Variants in YAP1 observed in about 807,000 individuals in gnomAD.
YAP1 encodes the protein transcriptional coactivator YAP1.
Under a neutral mutation model 56.9 loss-of-function variants are expected in YAP1, and 5 were observed. The observed-to-expected ratio is 0.09, with a 90% CI of 0.05 to 0.18. YAP1 has a LOEUF of 0.18. Ranked by LOEUF, YAP1 falls within the 10% of genes least tolerant of loss-of-function variation. YAP1 has a pLI of 1.00. For missense variants in YAP1, 539 were observed against 651.8 expected (o/e 0.83, Z 1.88); for synonymous variants, 265 against 248.1 (o/e 1.07, Z -0.64).
intron 3 of YAP1, among the ~76,000 whole-genome samples, chr11:102,176,780 T>G (rs1189262978): frequency 0.011 from 747 of 67,984 alleles, 5 homozygotes; most frequent in African/African-American, 0.03. Context: ...AAAAAAAGAG[T>G]AGAATTTCAG....
At chr11:102,176,983 T>C (rs1947300577) in intron 3 of YAP1, among the ~76,000 whole-genome samples, 1 of 151,726 alleles carries the variant, frequency 6.6e-6, no homozygotes, top group Non-Finnish European at 1.5e-5. Flanking sequence ...GCTGATGAAG[T>C]AGGAGAAGAA....
chr11:102,130,422 T>C (rs750868592), intron 2 of YAP1, among the ~76,000 whole-genome samples: 19 of 152,130 alleles, frequency 1.2e-4, no homozygotes, highest in Admixed American at 3.3e-4. Context: ...ATTGATTGAT[T>C]GACAGGCTCT....
At chr11:102,142,474 C>A (rs1265451781) in intron 2 of YAP1, among the ~76,000 whole-genome samples, 1 of 152,204 alleles carries the variant, frequency 6.6e-6, no homozygotes, top group East Asian at 1.9e-4. Context: ...TTTCTCTTAG[C>A]ATGAAGACTG....
Position 102,111,160 on chromosome 11 carries a change from C to T in YAP1, c.312C>T (p.His104=). 6.2e-7 allele frequency: 1 copy of T among 1,612,874 alleles called. No individual in the cohort carries two copies. ...TCAAGCCGCCGGAGCCCAAATCCCA[C>T]TCCCGACAGGTAACCTCGTTGCCCC... ...SFFKPPEPKS[H]SRQASTDAGT... Residue 104 remains histidine, a synonymous_variant, in exon 1 of 9, where the codon CAC becomes CAT. Transcript: ENST00000282441.
chr11:102,228,417 G>A (rs985500777), intron 8 of YAP1, among the ~76,000 whole-genome samples: 3 of 151,636 alleles, frequency 2.0e-5, no homozygotes, highest in Non-Finnish European at 2.9e-5. Context: ...GCCAGATCAC[G>A]TGAGGTCATA....
At chr11:102,216,884 A>G (rs776543653) in intron 6 of YAP1, among the ~76,000 whole-genome samples, 3 of 152,210 alleles carry the variant, frequency 2.0e-5, no homozygotes, top group Non-Finnish European at 2.9e-5. Flanking sequence ...AAGGTCAAAT[A>G]GTTTTTTTCT....
At chr11:102,141,453 T>TG (rs1448464026) in intron 2 of YAP1, among the ~76,000 whole-genome samples, 13 of 152,036 alleles carry the variant, frequency 8.6e-5, no homozygotes, top group Non-Finnish European at 1.8e-4. Flanking sequence ...GTGGGTGCAA[T>TG]GGTAAGAAGT....
At chr11:102,136,854 G>T (rs2135264925) in intron 2 of YAP1, among the ~76,000 whole-genome samples, 1 of 152,210 alleles carries the variant, frequency 6.6e-6, no homozygotes, top group South Asian at 2.1e-4. Flanking sequence ...TATTCTGTTT[G>T]TTGTCTGTCG....
intron 5 of YAP1, 126 bp downstream of exon 5, chr11:102,206,200 G>T: frequency 8.6e-7 from 1 of 1,166,556 alleles, no homozygotes; most frequent in Non-Finnish European, 1.2e-6. Flanking sequence ...GAGTGACACA[G>T]AAGCATTCTA....
intron 2 of YAP1, among the ~76,000 whole-genome samples, chr11:102,134,241 G>T (rs1377617955): frequency 6.6e-6 from 1 of 152,004 alleles, no homozygotes; most frequent in Non-Finnish European, 1.5e-5. Context: ...TGACTTGTTA[G>T]GGAAACCTTT....
chr11:102,227,527 A>T lies in YAP1; in HGVS notation c.1222A>T (p.Ser408Cys). The change falls in exon 8 of 9, where the codon AGT becomes TGT. Residue 408 changes from serine to cysteine, a missense_variant. Coordinates refer to ENST00000282441, the MANE Select transcript of YAP1 (RefSeq NM_001130145.3). ...TDSGLSMSSY[S>C]VPRTPDDFLN... ...CAGTGGACTAAGCATGAGCAGCTACAGTGTCCCTCGAACCCCAGATGACTT... is the reference window on the plus strand; with the variant it reads ...CAGTGGACTAAGCATGAGCAGCTACTGTGTCCCTCGAACCCCAGATGACTT... 1.2e-6 allele frequency: 2 copies of T among 1,614,070 alleles called. No homozygotes were observed. The highest frequency in any genetic ancestry group is 1.7e-6 in the Non-Finnish European group (2 of 1,180,014).
intron 8 of YAP1, among the ~76,000 whole-genome samples, chr11:102,228,289 C>G (rs1211186554): frequency 1.3e-5 from 2 of 152,024 alleles, no homozygotes; most frequent in Non-Finnish European, 2.9e-5. Context: ...TTATGGGGCT[C>G]AGGAAACCAG....
chr11:102,212,403 A>G (rs1949446075), intron 6 of YAP1, among the ~76,000 whole-genome samples: 2 of 152,118 alleles, frequency 1.3e-5, no homozygotes, highest in Admixed American at 1.3e-4. Context: ...TTAATGAAAA[A>G]TTCCAAGATC....
At chr11:102,153,349 C>T (rs1192431668) in intron 2 of YAP1, among the ~76,000 whole-genome samples, 1 of 152,154 alleles carries the variant, frequency 6.6e-6, no homozygotes, top group African/African-American at 2.4e-5. Flanking sequence ...TCCACTGCTC[C>T]TCCCCACCAC....
At chr11:102,217,680 A>T (rs1477280545) in intron 6 of YAP1, among the ~76,000 whole-genome samples, 2 of 152,030 alleles carry the variant, frequency 1.3e-5, no homozygotes, top group African/African-American at 2.4e-5. Flanking sequence ...GTGGGAGAAA[A>T]TTTTGAGGAT....
chr11:102,137,098 A>T (rs1243236785), intron 2 of YAP1, among the ~76,000 whole-genome samples: 1 of 152,206 alleles, frequency 6.6e-6, no homozygotes, highest in Non-Finnish European at 1.5e-5. Flanking sequence ...AATGGTAAAA[A>T]CATCTGTCTC....
At chr11:102,124,840 A>G (rs964796649) in intron 2 of YAP1, among the ~76,000 whole-genome samples, 2 of 152,054 alleles carry the variant, frequency 1.3e-5, no homozygotes, top group East Asian at 1.9e-4. Context: ...AGCTCAAGCG[A>G]TCCTCCCTCC....
rs1426499388 is a variant in YAP1 at position 102,229,697 on chromosome 11, A to C, written c.1277-5A>C. The C allele has an allele frequency of 6.2e-7, 1 of 1,611,888 alleles. No homozygotes were observed. Among genetic ancestry groups the C allele is most frequent in the Non-Finnish European group, 8.5e-7 (1 of 1,178,066 alleles). Reference sequence around the variant, plus strand: ...GACTTTGTTATCTCTGTGTGTTTCCACTAGGTGATACTATCAACCAAAGCA... The same window carrying C: ...GACTTTGTTATCTCTGTGTGTTTCCCCTAGGTGATACTATCAACCAAAGCA... On this transcript the variant is annotated splice_region_variant and splice_polypyrimidine_tract_variant and intron_variant, in intron 8 of 8. Coordinates refer to ENST00000282441, the MANE Select transcript of YAP1 (RefSeq NM_001130145.3).
intron 4 of YAP1, among the ~76,000 whole-genome samples, chr11:102,189,208 C>G (rs1645726802): frequency 1.3e-5 from 2 of 151,720 alleles, no homozygotes; most frequent in Admixed American, 6.6e-5. Flanking sequence ...AGATTTTGTA[C>G]TGGCAAACAT....
Sources: gnomAD v4.1 joint callset for allele counts (sites outside exome capture counted in the v4.1 genomes callset) on GRCh38, gnomAD v4.1.1 for gene constraint, MANE v1.5 for transcripts, NCBI Gene and HGNC (gene_info 2026-07-23, HGNC 2026-07-21) for gene names.